Variants in COL8A1 observed in about 807,000 individuals in gnomAD.
The protein encoded by COL8A1 is collagen alpha-1(VIII) chain.
COL8A1 carries 21 observed loss-of-function variants against 42.7 expected under a neutral mutation model. The ratio of observed to expected loss-of-function variants is 0.49; its 90% CI spans 0.35 to 0.71. COL8A1 has a LOEUF of 0.71. Among genes scored for constraint, COL8A1 ranks in the 30% least tolerant of loss-of-function variants. COL8A1 has a pLI of 0.01. For missense variants in COL8A1, 788 were observed against 962.4 expected, an observed-to-expected ratio of 0.82 and a Z score of 2.40; for synonymous variants, 367 against 369.1, an observed-to-expected ratio of 0.99 and a Z score of 0.06.
chr3:99,746,937 T>C (rs1941038813), intron 2 of COL8A1, among the ~76,000 whole-genome samples: 1 of 152,204 alleles, frequency 6.6e-6, no homozygotes, highest in South Asian at 2.1e-4. Context: ...ATGGACTTGG[T>C]TTAACTTGAC....
At chr3:99,776,707 G>A (rs886534927) in intron 2 of COL8A1, among the ~76,000 whole-genome samples, 2 of 152,188 alleles carry the variant, frequency 1.3e-5, no homozygotes, top group Non-Finnish European at 2.9e-5. Flanking sequence ...TAAAAGAATG[G>A]CTACTCCATA....
intron 1 of COL8A1, among the ~76,000 whole-genome samples, chr3:99,641,052 A>G (rs1937498000): frequency 1.3e-5 from 2 of 152,114 alleles, no homozygotes. Flanking sequence ...TGCATTTTAG[A>G]TGTTCTACTA....
Position 99,799,193 on chromosome 3 carries a change from A to C in COL8A1, c.*3057A>C, listed in dbSNP as rs1160634382. 1 of 152,208 alleles carries C rather than the reference A, an allele frequency of 6.6e-6. No homozygotes were observed. The highest frequency in any genetic ancestry group is 1.5e-5 in the Non-Finnish European group (1 of 68,042). The allele number at this position is 152,208 out of a possible 1,614,324, so 9.4% of individuals were successfully genotyped here. A position where few individuals can be genotyped will look rare whatever the true frequency, so the allele number is the denominator to read the frequency against. On this transcript the variant is annotated 3_prime_UTR_variant, in exon 4 of 4. Coordinates refer to ENST00000652472, the MANE Select transcript of COL8A1 (RefSeq NM_020351.4). ...TTAAATTTTTGTACTGATTTGAAAA[A>C]CATCATTAAATATCTTTAAAAGTAT...
intron 2 of COL8A1, among the ~76,000 whole-genome samples, chr3:99,783,979 T>G (rs1180375212): frequency 2.6e-5 from 4 of 152,346 alleles, no homozygotes; most frequent in African/African-American, 9.6e-5. Context: ...TGTGACTTAA[T>G]GAATACTTTA....
rs147869816 is a variant in COL8A1, at chr3:99,795,328, C to T, written c.1427C>T (p.Pro476Leu). The T allele has an allele frequency of 6.2e-6, 10 of 1,602,374 alleles. No homozygotes were observed. In the African/African-American group the frequency reaches 1.3e-4, roughly 21 times the overall value. The change falls in exon 4 of 4, where the codon CCA becomes CTA. Residue 476 changes from proline to leucine, a missense_variant. Pro to Leu is a moderately conservative substitution (Grantham distance 98). Transcript: ENST00000652472. Reference protein sequence around the residue: ...QKGVPGLPGVPGLLGPKGEPG... With the variant: ...QKGVPGLPGVLGLLGPKGEPG... ...GGTGTACCAGGACTCCCTGGTGTTCCAGGGCTTCTCGGACCTAAGGGAGAG... is the reference window on the plus strand; with the variant it reads ...GGTGTACCAGGACTCCCTGGTGTTCTAGGGCTTCTCGGACCTAAGGGAGAG...
At chr3:99,658,122 C>CAAAAAAA in intron 1 of COL8A1, among the ~76,000 whole-genome samples, 1 of 134,184 alleles carries the variant, frequency 7.5e-6, no homozygotes, top group Non-Finnish European at 1.6e-5. Flanking sequence ...CTCAAAAAAA[C>CAAAAAAA]AAAAAACAAA....
intron 2 of COL8A1, among the ~76,000 whole-genome samples, chr3:99,768,262 T>C (rs1941502474): frequency 6.6e-6 from 1 of 152,228 alleles, no homozygotes; most frequent in African/African-American, 2.4e-5. Context: ...CCTGGTCTGA[T>C]TTTACATGTA....
At chr3:99,681,115 C>T (rs562783483) in intron 1 of COL8A1, among the ~76,000 whole-genome samples, 2 of 152,256 alleles carry the variant, frequency 1.3e-5, no homozygotes, top group African/African-American at 4.8e-5. Flanking sequence ...AAAGCAATGG[C>T]AACAAAAGCC....
rs80095364 is a variant in COL8A1 at position 99,739,907 on chromosome 3, A to T, written c.-128-4990A>T. Among the ~76,000 whole-genome samples, 513 of 152,278 alleles carry T rather than the reference A, an allele frequency of 3.4e-3. 3 individuals carry two copies. Among genetic ancestry groups the T allele is most frequent in the African/African-American group, 0.011 (468 of 41,562 alleles). On this transcript the variant is annotated intron_variant, in intron 1 of 3. Transcript: ENST00000652472. ...TTTGTTTTTTCTTTTCTATCGCATC[A>T]TCAAGCTGCAAATTTTCCAAATCTT... is the stretch of plus-strand genomic sequence containing the variant.
chr3:99,642,712 CTT>C, intron 1 of COL8A1, among the ~76,000 whole-genome samples: 1 of 152,286 alleles, frequency 6.6e-6, no homozygotes, highest in East Asian at 1.9e-4. Context: ...GAAAAAATCT[CTT>C]TTTAATTCTC....
chr3:99,794,793 CA>C lies in COL8A1; in HGVS notation c.894del (p.Gly299AlafsTer82). 1.2e-6 allele frequency: 2 copies of C among 1,605,480 alleles called. No homozygotes were observed. The highest frequency in any genetic ancestry group is 1.7e-6 in the Non-Finnish European group (2 of 1,176,456). On this transcript the variant is annotated frameshift_variant, in exon 4 of 4. Coordinates refer to ENST00000652472, the MANE Select transcript of COL8A1 (RefSeq NM_020351.4). LOFTEE classifies it high-confidence loss of function. This position sits in a 1 kb window ranked among gnomAD's most constrained non-coding sequence, Gnocchi z 4.3. ...KPGAPGEPGP[Q>X]GPIGVPGVQG... ...AGGGGCTCCAGGAGAACCTGGGCCACAAGGCCCTATTGGGGTACCGGGGGTT... is the reference window on the plus strand; with the variant it reads ...AGGGGCTCCAGGAGAACCTGGGCCACAGGCCCTATTGGGGTACCGGGGGTT...
At position 99,727,217 on chromosome 3, in the gene COL8A1, C is replaced by T. The variant is rs367647685; in HGVS notation, c.-128-17680C>T. Among the ~76,000 whole-genome samples the T allele has an allele frequency of 8.9e-3, 1,356 of 152,136 alleles. 23 individuals are homozygous for T. Among genetic ancestry groups the T allele is most frequent in the Admixed American group, 0.013 (203 of 15,272 alleles). On this transcript the variant is annotated intron_variant, in intron 1 of 3. Coordinates refer to ENST00000652472, the MANE Select transcript of COL8A1 (RefSeq NM_020351.4). ...ACTCATGATTTGGCTCTCTGTTTGTCTGTTATTGGTGTATAAGAATGCTTG... is the reference window on the plus strand; with the variant it reads ...ACTCATGATTTGGCTCTCTGTTTGTTTGTTATTGGTGTATAAGAATGCTTG...
At chr3:99,646,188 C>A (rs1005584158) in intron 1 of COL8A1, among the ~76,000 whole-genome samples, 1 of 152,056 alleles carries the variant, frequency 6.6e-6, no homozygotes, top group Non-Finnish European at 1.5e-5. Context: ...AATTCAGAAC[C>A]CTTTGGGGGA....
chr3:99,792,885 G>A (rs1942027927), intron 3 of COL8A1, among the ~76,000 whole-genome samples: 1 of 152,176 alleles, frequency 6.6e-6, no homozygotes, highest in Non-Finnish European at 1.5e-5. Context: ...AATTCTAAAG[G>A]AGAGATGTGG....
At chr3:99,775,751 T>G (rs1192515138) in intron 2 of COL8A1, among the ~76,000 whole-genome samples, 1 of 152,206 alleles carries the variant, frequency 6.6e-6, no homozygotes, top group Non-Finnish European at 1.5e-5. Flanking sequence ...CCAATACTCC[T>G]AAATTTCCTC....
Position 99,674,426 on chromosome 3 carries a change from G to A in COL8A1, c.-129+35762G>A, listed in dbSNP as rs1448869341. On this transcript the variant is annotated intron_variant, in intron 1 of 3. Transcript: ENST00000652472. ...ATTTTTAATATACCTTTGAGATAAA[G>A]TGTATTGTCTCCTTTTTTAAAAAAA... 6.6e-5 allele frequency among the ~76,000 whole-genome samples: 10 copies of A among 151,186 alleles called. No individual in the cohort carries two copies. In the Admixed American group the frequency reaches 6.6e-4, roughly 10 times the overall value.
intron 2 of COL8A1, among the ~76,000 whole-genome samples, chr3:99,788,735 G>GA (rs1326013043): frequency 6.6e-6 from 1 of 151,908 alleles, no homozygotes; most frequent in Non-Finnish European, 1.5e-5. Context: ...ATCTTTGAGT[G>GA]AAAAAAGCAA....
intron 2 of COL8A1, among the ~76,000 whole-genome samples, chr3:99,764,701 C>CCTTTTTTT (rs1941427021): frequency 3.2e-5 from 4 of 125,056 alleles, no homozygotes; most frequent in African/African-American, 1.2e-4. Context: ...TCTTTTTTTT[C>CCTTTTTTT]TTTTTTTTTT....
chr3:99,750,535 C>G (rs1165677384), intron 2 of COL8A1, among the ~76,000 whole-genome samples: 1 of 151,986 alleles, frequency 6.6e-6, no homozygotes, highest in Non-Finnish European at 1.5e-5. Context: ...GTAATTGACT[C>G]CAAAATCGAT....
Sources: gnomAD v4.1 joint callset for allele counts (sites outside exome capture counted in the v4.1 genomes callset) on GRCh38, gnomAD v4.1.1 for gene constraint, Gnocchi (gnomAD v3.1) non-coding constraint, MANE v1.5 for transcripts, NCBI Gene and HGNC (gene_info 2026-07-23, HGNC 2026-07-21) for gene names.